Variants in HSDL2 observed in about 807,000 individuals in gnomAD.
The protein encoded by HSDL2 is hydroxysteroid dehydrogenase like 2.
Under a neutral mutation model 46.3 loss-of-function variants are expected in HSDL2, and 27 were observed. The ratio of observed to expected loss-of-function variants is 0.58; its 90% confidence interval spans 0.43 to 0.80. HSDL2 has a LOEUF of 0.80. HSDL2 is among the 30% of genes least tolerant of loss of function. The pLI, the probability that HSDL2 is intolerant of heterozygous loss-of-function variation, is 0.00. For synonymous variants in HSDL2, 153 were observed against 163.6 expected, an observed-to-expected ratio of 0.94 and a Z score of 0.50; for missense variants, 451 against 502.7, an observed-to-expected ratio of 0.90 and a Z score of 0.98.
intron 1 of HSDL2, among the ~76,000 whole-genome samples, chr9:112,383,028 A>G (rs1034936474): frequency 7.0e-6 from 1 of 142,958 alleles, no homozygotes; most frequent in African/African-American, 2.6e-5. Flanking sequence ...TTTTTTTGAG[A>G]TGGAATCTTG....
At chr9:112,394,505 A>T (rs10981383) in intron 1 of HSDL2, among the ~76,000 whole-genome samples, 1 of 151,966 alleles carries the variant, frequency 6.6e-6, no homozygotes, top group African/African-American at 2.4e-5. Context: ...CATGTGAGTC[A>T]TTTTTTAATA....
chr9:112,420,060 G>A (rs962944113), intron 6 of HSDL2, among the ~76,000 whole-genome samples: 1 of 152,112 alleles, frequency 6.6e-6, no homozygotes, highest in Non-Finnish European at 1.5e-5. Flanking sequence ...AAATGGTGCC[G>A]GGTGTGGTTA....
chr9:112,396,615 G>C (rs941380366), intron 1 of HSDL2, among the ~76,000 whole-genome samples: 1 of 152,128 alleles, frequency 6.6e-6, no homozygotes, highest in Non-Finnish European at 1.5e-5. Flanking sequence ...ATCAAAATGA[G>C]ACCAGTATGA....
intron 9 of HSDL2, among the ~76,000 whole-genome samples, chr9:112,455,473 C>T (rs1303307586): frequency 6.6e-6 from 1 of 152,122 alleles, no homozygotes; most frequent in East Asian, 1.9e-4. Context: ...ATGCCATCAC[C>T]TGTCAAAAGC....
Position 112,404,088 on chromosome 9 carries a change from TG to T in HSDL2, c.112del (p.Val38LeufsTer14). On this transcript the variant is annotated frameshift_variant, in exon 2 of 11. Coordinates refer to ENST00000398805, the MANE Select transcript of HSDL2 (RefSeq NM_032303.5). LOFTEE classifies it high-confidence loss of function. ...AAGCAGCAAAGGATGGAGCAAATATTGTTATTGCTGCAAAGACCGCCCAGCC... is the reference window on the plus strand; with the variant it reads ...AAGCAGCAAAGGATGGAGCAAATATTTTATTGCTGCAAAGACCGCCCAGCC... ...LKAAKDGANI[V>X]IAAKTAQPHP... 6.2e-7 allele frequency: 1 copy of T among 1,614,114 alleles called. No individual in the cohort carries two copies. The highest frequency in any genetic ancestry group is 8.5e-7 in the Non-Finnish European group (1 of 1,179,964).
chr9:112,412,428 T>A (rs1010209825), intron 4 of HSDL2, among the ~76,000 whole-genome samples: 1 of 152,204 alleles, frequency 6.6e-6, no homozygotes, highest in Non-Finnish European at 1.5e-5. Context: ...TTAGACTTAT[T>A]AAAATCTAAA....
chr9:112,442,096 T>C (rs1044058933), intron 8 of HSDL2, among the ~76,000 whole-genome samples: 4 of 150,538 alleles, frequency 2.7e-5, no homozygotes, highest in Non-Finnish European at 4.4e-5. Flanking sequence ...ACCCCGTCTC[T>C]ACAAAAAAAA....
intron 1 of HSDL2, among the ~76,000 whole-genome samples, chr9:112,392,713 C>T (rs1370341309): frequency 1.3e-5 from 2 of 152,114 alleles, no homozygotes; most frequent in African/African-American, 4.8e-5. Context: ...TGCTGTTATT[C>T]TATTCTTTTT....
At chr9:112,411,415 T>C (rs951819171) in intron 4 of HSDL2, among the ~76,000 whole-genome samples, 4 of 152,192 alleles carry the variant, frequency 2.6e-5, no homozygotes, top group African/African-American at 7.2e-5. Context: ...TGGCTCATGC[T>C]TGTAATCCCA....
chr9:112,398,188 CA>C (rs2132611651), intron 1 of HSDL2, among the ~76,000 whole-genome samples: 1 of 152,036 alleles, frequency 6.6e-6, no homozygotes, highest in Non-Finnish European at 1.5e-5. Context: ...ACCAGAGTGG[CA>C]GGGGCATCCA....
intron 10 of HSDL2, among the ~76,000 whole-genome samples, chr9:112,468,171 C>T (rs1169390154): frequency 6.6e-6 from 1 of 152,080 alleles, no homozygotes; most frequent in African/African-American, 2.4e-5. Context: ...TCTTTTCTAT[C>T]TACCCCTGTC....
chr9:112,415,933 C>G (rs751820220), intron 4 of HSDL2, among the ~76,000 whole-genome samples: 3 of 151,986 alleles, frequency 2.0e-5, no homozygotes, highest in Non-Finnish European at 4.4e-5. Context: ...ACGGTGAAAC[C>G]CCGTCTCTAC....
chr9:112,384,632 T>C (rs981502105), intron 1 of HSDL2, among the ~76,000 whole-genome samples: 2 of 151,706 alleles, frequency 1.3e-5, no homozygotes, highest in Admixed American at 6.6e-5. Context: ...GTTGAGGCTG[T>C]TGTGGTAAAC....
rs762516051 is a variant in HSDL2, at chr9:112,388,152, C to CT, written c.17+7973dup. 1.7e-3 allele frequency among the ~76,000 whole-genome samples: 260 copies of CT among 150,984 alleles called. 1 individual carries two copies. The highest frequency in any genetic ancestry group is 2.9e-3 in the Non-Finnish European group (194 of 67,860). On this transcript the variant is annotated intron_variant, in intron 1 of 10. Coordinates refer to ENST00000398805, the MANE Select transcript of HSDL2 (RefSeq NM_032303.5). ...TCAGCCTGGGTGACAGGGCAAGAGC[C>CT]TGTCTCAGAAAAAAACAAACAAAAA...
intron 6 of HSDL2, among the ~76,000 whole-genome samples, chr9:112,431,275 TA>T (rs906156312): frequency 4.2e-4 from 63 of 151,630 alleles, no homozygotes; most frequent in Non-Finnish European, 8.2e-4. Context: ...AGGTTGGAGA[TA>T]AAAAAATCTG....
intron 4 of HSDL2, among the ~76,000 whole-genome samples, chr9:112,415,081 T>C (rs1444453235): frequency 1.3e-5 from 2 of 152,206 alleles, no homozygotes; most frequent in Non-Finnish European, 2.9e-5. Context: ...ATTTAGCTGC[T>C]GACATTATGT....
In HSDL2 at chr9:112,438,603, T is replaced by A. The variant is rs749271828; in HGVS notation, c.771T>A (p.Phe257Leu). 3 of 1,594,444 alleles carry A rather than the reference T, an allele frequency of 1.9e-6. No individual in the cohort carries two copies. In the South Asian group the frequency reaches 3.4e-5, roughly 18 times the overall value. ...TAAAAGAAGAAGGAATAGAAAATTT[T>A]GACGTTTATGCAATTAAACCAGGTA... The part of the protein sequence containing the change: ...NILKEEGIEN[F>L]DVYAIKPGHP... The change falls in exon 7 of 11, where the codon TTT (phenylalanine) becomes TTA (leucine). Residue 257 changes from phenylalanine (F) to leucine (L), a missense_variant. By Grantham distance (22) the Phe-to-Leu change is conservative. Transcript: ENST00000398805.
chr9:112,448,488 T>C (rs190317322), intron 8 of HSDL2, among the ~76,000 whole-genome samples: 1 of 152,202 alleles, frequency 6.6e-6, no homozygotes, highest in East Asian at 1.9e-4. Flanking sequence ...TGGGTACTTT[T>C]TCTATTCTTT....
At chr9:112,426,274 C>T (rs532983509) in intron 6 of HSDL2, among the ~76,000 whole-genome samples, 73 of 130,786 alleles carry the variant, frequency 5.6e-4, no homozygotes, top group African/African-American at 2.0e-3. Context: ...CTTGCTCTGT[C>T]GCCCAGGCTG....
Sources: gnomAD v4.1 joint callset for allele counts (sites outside exome capture counted in the v4.1 genomes callset) on GRCh38, gnomAD v4.1.1 for gene constraint, MANE v1.5 for transcripts, NCBI Gene and HGNC (gene_info 2026-07-23, HGNC 2026-07-21) for gene names.